The following POLR1H variants were observed in gnomAD, a reference collection of about 807,000 sequenced individuals.
POLR1H encodes DNA-directed RNA polymerase I subunit RPA12.
POLR1H carries 5 observed loss-of-function variants against 15.8 expected under a neutral mutation model. The observed-to-expected ratio is 0.32, with a 90% CI of 0.17 to 0.67. POLR1H has a LOEUF of 0.67. Among genes scored for constraint, POLR1H ranks in the 30% least tolerant of loss-of-function variants. The probability of loss-of-function intolerance (pLI) is 0.74; values close to 1 mark genes in which losing one functional copy is unlikely to be tolerated. For synonymous variants in POLR1H, 43 were observed against 58.3 expected (o/e 0.74, Z 1.20); for missense variants, 100 against 163.4 (o/e 0.61, Z 2.11).
In POLR1H at chr6:30,061,918, C is replaced by CTT; in HGVS notation, c.149_150dup (p.Glu51LeufsTer6). The CTT allele has an allele frequency of 1.9e-6, 3 of 1,613,054 alleles. No homozygotes were observed. Among genetic ancestry groups the CTT allele is most frequent in the Non-Finnish European group, 2.5e-6 (3 of 1,179,988 alleles). Reference sequence around the variant, plus strand: ...ACCAGTTCTTACTTGCCTGTGCAGACTTTGAGGGGAAGGTTGTGAAGACTT... The same window carrying CTT: ...ACCAGTTCTTACTTGCCTGTGCAGACTTTTTGAGGGGAAGGTTGTGAAGACTT... On this transcript the variant is annotated frameshift_variant and splice_region_variant, in exon 2 of 4. Transcript: ENST00000332435. LOFTEE classifies it high-confidence loss of function. This position sits in a 1 kb window ranked among gnomAD's most constrained non-coding sequence, Gnocchi z 5.0.
chr6:30,064,020 G>A (rs979156632), intron 3 of POLR1H, among the ~76,000 whole-genome samples: 2 of 151,944 alleles, frequency 1.3e-5, no homozygotes, highest in African/African-American at 4.8e-5. Flanking sequence ...ATTTATGCAC[G>A]GGATCTCCTA....
In POLR1H at chr6:30,063,400, T is replaced by A. The variant is rs977604043; in HGVS notation, c.356+1067T>A. On this transcript the variant is annotated intron_variant, in intron 3 of 3. Coordinates refer to ENST00000332435, the MANE Select transcript of POLR1H (RefSeq NM_170783.4). This position sits in a 1 kb window ranked among gnomAD's most constrained non-coding sequence, Gnocchi z 4.1. The stretch of plus-strand genomic sequence containing the variant: ...TTCTGTCTTCAGTTTATTTCAAGTA[T>A]TATTATTTTTTACTATTGTTATTAT... Among the ~76,000 whole-genome samples the A allele has an allele frequency of 6.6e-6, 1 of 151,936 alleles. No homozygotes were observed. Among genetic ancestry groups the A allele is most frequent in the Admixed American group, 6.6e-5 (1 of 15,258 alleles).
At chr6:30,062,883 T>C (rs755883151) in intron 3 of POLR1H, among the ~76,000 whole-genome samples, 15 of 150,370 alleles carry the variant, frequency 1.0e-4, no homozygotes, top group Non-Finnish European at 1.9e-4. Context: ...ACTTTTAGGA[T>C]ATTTAAAAGG....
In POLR1H at chr6:30,064,815, A is replaced by G; in HGVS notation, c.*118A>G. ...AATGTTTTGCTCCCAGAAGAGAATC[A>G]GATCATCATGTGGGGATTACCATTG... On this transcript the variant is annotated 3_prime_UTR_variant, in exon 4 of 4. Coordinates refer to ENST00000332435, the MANE Select transcript of POLR1H (RefSeq NM_170783.4). The G allele has an allele frequency of 1.2e-6, 1 of 830,046 alleles. No individual in the cohort carries two copies. Among genetic ancestry groups the G allele is most frequent in the Non-Finnish European group, 1.9e-6 (1 of 520,720 alleles). The allele number at this position is 830,046 out of a possible 1,614,324, so 51.4% of individuals were successfully genotyped here.
chr6:30,064,384 A>G (rs576840663), intron 3 of POLR1H, among the ~76,000 whole-genome samples: 1 of 151,578 alleles, frequency 6.6e-6, no homozygotes, highest in East Asian at 1.9e-4. Flanking sequence ...AATGAGCAGA[A>G]GTTTTAAGTT....
intron 3 of POLR1H, 109 bp from the exon 4 acceptor site, chr6:30,064,564 T>C: frequency 1.0e-6 from 1 of 964,346 alleles, no homozygotes; most frequent in Non-Finnish European, 1.5e-6. Context: ...CAGTCCTCAA[T>C]GATGTCATAA....
chr6:30,061,927 G>GA lies in POLR1H; in HGVS notation c.158dup (p.Val54GlyfsTer24), dbSNP rs1437892541. Reference sequence around the variant, plus strand: ...TACTTGCCTGTGCAGACTTTGAGGGGAAGGTTGTGAAGACTTCGGTTGTGT... The same window carrying GA: ...TACTTGCCTGTGCAGACTTTGAGGGGAAAGGTTGTGAAGACTTCGGTTGTGT... On this transcript the variant is annotated frameshift_variant, in exon 2 of 4. Transcript: ENST00000332435. LOFTEE classifies it high-confidence loss of function. This position sits in a 1 kb window ranked among gnomAD's most constrained non-coding sequence, Gnocchi z 5.0. The GA allele has an allele frequency of 9.9e-6, 16 of 1,613,122 alleles. No individual in the cohort carries two copies. The highest frequency in any genetic ancestry group is 1.0e-5 in the Non-Finnish European group (12 of 1,180,016).
chr6:30,061,003 A>AT (rs1764986186), upstream of POLR1H: 1 of 152,690 alleles, frequency 6.5e-6, no homozygotes, highest in Admixed American at 6.5e-5. The surrounding 1 kb of genome is among the most constrained non-coding windows in gnomAD (Gnocchi z 5.0). Flanking sequence ...TTCCTGTAGG[A>AT]TGTGAGACAA....
intron 3 of POLR1H, among the ~76,000 whole-genome samples, chr6:30,064,262 T>C (rs556389485): frequency 1.4e-3 from 214 of 152,136 alleles, no homozygotes; most frequent in African/African-American, 4.8e-3. Flanking sequence ...TTTAAAAGTA[T>C]TTTTTTCCTA....
upstream of POLR1H, chr6:30,061,232 G>A: frequency 2.8e-6 from 1 of 357,750 alleles, no homozygotes. The surrounding 1 kb of genome is among the most constrained non-coding windows in gnomAD (Gnocchi z 5.0). Flanking sequence ...TGACGCTCTA[G>A]CCGGCTCTAT....
upstream of POLR1H, chr6:30,060,482 G>A (rs905322564): frequency 6.6e-6 from 1 of 152,180 alleles, no homozygotes. Context: ...TCGATAGGCG[G>A]CAGGCACAAC....
Position 30,061,488 on chromosome 6 carries a change from TTAATA to T in POLR1H, c.-36_-32del. On this transcript the variant is annotated 5_prime_UTR_variant, in exon 1 of 4. Coordinates refer to ENST00000332435, the MANE Select transcript of POLR1H (RefSeq NM_170783.4). The surrounding 1 kb of genome is among the most constrained non-coding windows in gnomAD (Gnocchi z 5.0). ...GGGACAGGAACTCTTCTCTCTTTTGTTAATAAACTTCCAACTCCCTCCTCAGACCC... is the reference window on the plus strand; with the variant it reads ...GGGACAGGAACTCTTCTCTCTTTTGTAACTTCCAACTCCCTCCTCAGACCC... 3 of 1,609,086 alleles carry T rather than the reference TTAATA, an allele frequency of 1.9e-6. No individual in the cohort carries two copies. Among genetic ancestry groups the T allele is most frequent in the Non-Finnish European group, 2.5e-6 (3 of 1,177,222 alleles).
chr6:30,062,338 G>C lies in POLR1H; in HGVS notation c.356+5G>C. 6.3e-7 allele frequency: 1 copy of C among 1,587,554 alleles called. No homozygotes were observed. The highest frequency in any genetic ancestry group is 2.2e-5 in the East Asian group (1 of 44,738). ...CTACACCTGTACCAACTGCAAGTGA[G>C]TATTCTTTCCCCTCCCTCTGCTCAG... On this transcript the variant is annotated splice_donor_5th_base_variant and intron_variant, in intron 3 of 3. Transcript: ENST00000332435.
In POLR1H at chr6:30,063,679, G is replaced by A. The variant is rs56270681; in HGVS notation, c.357-994G>A. Among the ~76,000 whole-genome samples, 7,932 of 151,938 alleles carry A rather than the reference G, an allele frequency of 0.052. 361 individuals carry two copies. Among genetic ancestry groups the A allele is most frequent in the East Asian group, 0.19 (985 of 5,170 alleles). ...TTTTGTGATTTTTGACTATAAATTC[G>A]AGTTTTTTAGAACTTGAACTGTAGG... On this transcript the variant is annotated intron_variant, in intron 3 of 3. Coordinates refer to ENST00000332435, the MANE Select transcript of POLR1H (RefSeq NM_170783.4). This position sits in a 1 kb window ranked among gnomAD's most constrained non-coding sequence, Gnocchi z 4.1.
At position 30,064,713 on chromosome 6, in the gene POLR1H, A is replaced by G. The variant is rs1765370920; in HGVS notation, c.*16A>G. On this transcript the variant is annotated 3_prime_UTR_variant, in exon 4 of 4. Transcript: ENST00000332435. ...AGACTCTTGACCTTTTTCCTGGGCA[A>G]CTCTACAGTCCCTCCCTCCTTTCGG... is the stretch of plus-strand genomic sequence containing the variant. 2.5e-6 allele frequency: 4 copies of G among 1,608,446 alleles called. No individual in the cohort carries two copies. Among genetic ancestry groups the G allele is most frequent in the Non-Finnish European group, 2.5e-6 (3 of 1,178,192 alleles).
At chr6:30,062,478 T>C (rs1417539813) in intron 3 of POLR1H, 145 bp downstream of exon 3, 4 of 558,578 alleles carry the variant, frequency 7.2e-6, no homozygotes, top group East Asian at 2.8e-5. Context: ...TTTGTAGTTG[T>C]TTTTTATTTT....
chr6:30,062,394 T>G, intron 3 of POLR1H, 61 bp downstream of exon 3: 1 of 1,234,898 alleles, frequency 8.1e-7, no homozygotes, highest in East Asian at 2.4e-5. Flanking sequence ...ATCCAGTGAT[T>G]TATTTTTTTG....
Position 30,061,731 on chromosome 6 carries a change from A to T in POLR1H, c.145+62A>T. 6.2e-7 allele frequency: 1 copy of T among 1,606,638 alleles called. No individual in the cohort carries two copies. The highest frequency in any genetic ancestry group is 8.5e-7 in the Non-Finnish European group (1 of 1,175,592). ...GCAGGGTCGGAAGCTTGGGGAACTC[A>T]AGATCGGTTGGGTTGAGGAGGGGAT... On this transcript the variant is annotated intron_variant, in intron 1 of 3. Transcript: ENST00000332435. The surrounding 1 kb of genome is among the most constrained non-coding windows in gnomAD (Gnocchi z 5.0).
rs1765296264 is a variant in POLR1H, at chr6:30,063,732, G to A, written c.357-941G>A. ...TTCTTTGAGGCCTTGGGCGAGTGCT[G>A]TATTCTCAGCATTTGTGTTTCTTTT... On this transcript the variant is annotated intron_variant, in intron 3 of 3. Coordinates refer to ENST00000332435, the MANE Select transcript of POLR1H (RefSeq NM_170783.4). This position sits in a 1 kb window ranked among gnomAD's most constrained non-coding sequence, Gnocchi z 4.1. 6.6e-6 allele frequency among the ~76,000 whole-genome samples: 1 copy of A among 152,066 alleles called. No homozygotes were observed. The highest frequency in any genetic ancestry group is 6.5e-5 in the Admixed American group (1 of 15,282).
Sources: gnomAD v4.1 joint callset for allele counts (sites outside exome capture counted in the v4.1 genomes callset) on GRCh38, gnomAD v4.1.1 for gene constraint, Gnocchi (gnomAD v3.1) non-coding constraint, MANE v1.5 for transcripts, NCBI Gene and HGNC (gene_info 2026-07-23, HGNC 2026-07-21) for gene names.